Variants in GUCY1A1 observed in about 807,000 individuals in gnomAD.
GUCY1A1 encodes guanylate cyclase 1 soluble subunit alpha 1, also known as guanylate cyclase soluble subunit alpha-1.
Under a neutral mutation model 64.5 loss-of-function variants are expected in GUCY1A1, and 48 were observed. The ratio of observed to expected loss-of-function variants is 0.74; its 90% CI spans 0.59 to 0.95. GUCY1A1 has a LOEUF of 0.95. Ranked by LOEUF, GUCY1A1 falls within the 40% of genes least tolerant of loss-of-function variation. GUCY1A1 has a pLI of 0.00. For missense variants in GUCY1A1, 804 were observed against 825.3 expected, an observed-to-expected ratio of 0.97 and a Z score of 0.32; for synonymous variants, 308 against 303.4, an observed-to-expected ratio of 1.02 and a Z score of -0.16.
intron 9 of GUCY1A1, 154 bp downstream of exon 9, chr4:155,722,346 T>A: frequency 7.0e-7 from 1 of 1,430,996 alleles, no homozygotes; most frequent in East Asian, 2.5e-5. Context: ...CACTTTAACT[T>A]TTTTACACTG....
intron 6 of GUCY1A1, among the ~76,000 whole-genome samples, 186 bp from the exon 7 acceptor site, chr4:155,712,912 A>AT (rs1403932806): frequency 6.6e-6 from 1 of 152,238 alleles, no homozygotes; most frequent in Non-Finnish European, 1.5e-5. Context: ...ATACTCTAAT[A>AT]TACTCTTCAA....
intron 8 of GUCY1A1, among the ~76,000 whole-genome samples, chr4:155,721,018 C>T (rs1034472512): frequency 2.0e-5 from 3 of 152,052 alleles, no homozygotes; most frequent in African/African-American, 4.8e-5. Flanking sequence ...AATCCTAGCA[C>T]TTTGGGAAGT....
rs1735790564 is a variant in GUCY1A1 at position 155,733,778 on chromosome 4, G to T, written c.*3547G>T. On this transcript the variant is annotated 3_prime_UTR_variant, in exon 10 of 10. Coordinates refer to ENST00000506455, the MANE Select transcript of GUCY1A1 (RefSeq NM_001130682.3). ...AGAAGCATCAAGTCTTAAAGGAAGA[G>T]AATGGTATGATCAGATGTGTGTTTT... Among the ~76,000 whole-genome samples the T allele has an allele frequency of 6.6e-6, 1 of 151,438 alleles. No homozygotes were observed. Among genetic ancestry groups the T allele is most frequent in the Non-Finnish European group, 1.5e-5 (1 of 67,810 alleles).
chr4:155,736,761 T>C lies in GUCY1A1; in HGVS notation c.*6530T>C, dbSNP rs1736093265. ...ATTTTTCACCAGTTTTTGGTAAATA[T>C]GCATTGCTATAGGTATACCAAGTTT... On this transcript the variant is annotated 3_prime_UTR_variant, in exon 10 of 10. Coordinates refer to ENST00000506455, the MANE Select transcript of GUCY1A1 (RefSeq NM_001130682.3). 1 of 151,988 alleles carries C rather than the reference T, an allele frequency of 6.6e-6. No individual in the cohort carries two copies. The highest frequency in any genetic ancestry group is 2.4e-5 in the African/African-American group (1 of 41,422). The allele number at this position is 151,988 out of a possible 1,614,324, so 9.4% of individuals were successfully genotyped here. A position where few individuals can be genotyped will look rare whatever the true frequency, so the allele number is the denominator to read the frequency against.
chr4:155,722,067 T>C lies in GUCY1A1; in HGVS notation c.1746T>C (p.Val582=). The C allele has an allele frequency of 6.2e-7, 1 of 1,613,546 alleles. No homozygotes were observed. The highest frequency in any genetic ancestry group is 2.2e-5 in the East Asian group (1 of 44,848). The part of the protein sequence containing the change: ...KMRIGLHSGS[V]FAGVVGVKMP... ...GAATTGGACTGCACTCTGGATCAGT[T>C]TTTGCTGGCGTCGTTGGAGTTAAAA... The change falls in exon 9 of 10, where the codon GTT becomes GTC. Residue 582 remains valine (V), a synonymous_variant. Transcript: ENST00000506455.
At chr4:155,723,393 G>GATA (rs1734224167) in intron 9 of GUCY1A1, among the ~76,000 whole-genome samples, 1 of 152,080 alleles carries the variant, frequency 6.6e-6, no homozygotes, top group South Asian at 2.1e-4. Flanking sequence ...TATACAGCCT[G>GATA]AGTCAATAAA....
chr4:155,672,282 T>G (rs1734255623), intron 2 of GUCY1A1, among the ~76,000 whole-genome samples: 1 of 152,164 alleles, frequency 6.6e-6, no homozygotes, highest in African/African-American at 2.4e-5. Context: ...GATCAGGATA[T>G]AATTAACATC....
intron 9 of GUCY1A1, among the ~76,000 whole-genome samples, chr4:155,724,119 C>T (rs1734346334): frequency 6.6e-6 from 1 of 152,092 alleles, no homozygotes; most frequent in Non-Finnish European, 1.5e-5. Flanking sequence ...GTACTCATCT[C>T]CTCCTTCTTT....
intron 3 of GUCY1A1, among the ~76,000 whole-genome samples, chr4:155,702,747 A>G (rs919379037): frequency 1.3e-5 from 2 of 151,734 alleles, no homozygotes; most frequent in African/African-American, 4.8e-5. Context: ...TAAGCTTTGT[A>G]TGTGTATATT....
intron 2 of GUCY1A1, among the ~76,000 whole-genome samples, chr4:155,684,120 G>A (rs946389819): frequency 6.6e-6 from 1 of 152,092 alleles, no homozygotes; most frequent in Non-Finnish European, 1.5e-5. Context: ...TTATGTAAGA[G>A]GTACTGAAAT....
chr4:155,705,317 G>T (rs1049431295), intron 4 of GUCY1A1, among the ~76,000 whole-genome samples: 1 of 152,132 alleles, frequency 6.6e-6, no homozygotes, highest in South Asian at 2.1e-4. Context: ...GGGAGGTCAA[G>T]GTAGACAGAT....
At chr4:155,699,365 T>G (rs1730802636) in intron 3 of GUCY1A1, among the ~76,000 whole-genome samples, 1 of 152,144 alleles carries the variant, frequency 6.6e-6, no homozygotes, top group South Asian at 2.1e-4. Context: ...GCTATAAACT[T>G]CCCTTCTCTT....
At chr4:155,712,905 C>T (rs1159772166) in intron 6 of GUCY1A1, among the ~76,000 whole-genome samples, 193 bp from the exon 7 acceptor site, 1 of 152,152 alleles carries the variant, frequency 6.6e-6, no homozygotes, top group Non-Finnish European at 1.5e-5. Context: ...GTAGAGTATA[C>T]TCTAATATAC....
intron 2 of GUCY1A1, among the ~76,000 whole-genome samples, chr4:155,682,359 T>G (rs907393064): frequency 1.3e-5 from 2 of 152,182 alleles, no homozygotes; most frequent in Non-Finnish European, 2.9e-5. Context: ...CCATTAGCTA[T>G]TTAATAAAAT....
At chr4:155,684,187 A>G (rs552283672) in intron 2 of GUCY1A1, among the ~76,000 whole-genome samples, 40 of 152,352 alleles carry the variant, frequency 2.6e-4, no homozygotes, top group Admixed American at 2.6e-3. Flanking sequence ...AATCAATTAG[A>G]TGGCAGAGGC....
chr4:155,683,899 G>T (rs575950180), intron 2 of GUCY1A1, among the ~76,000 whole-genome samples: 6 of 152,248 alleles, frequency 3.9e-5, no homozygotes, highest in African/African-American at 1.2e-4. Context: ...AGAAAGGAGG[G>T]CTTCTCAGCA....
intron 4 of GUCY1A1, among the ~76,000 whole-genome samples, chr4:155,707,518 T>C (rs1228386044): frequency 2.6e-5 from 4 of 151,980 alleles, no homozygotes; most frequent in Non-Finnish European, 5.9e-5. Context: ...TTGTACTCCA[T>C]ACCTGTAGCA....
At chr4:155,714,301 A>G (rs1732956673) in intron 7 of GUCY1A1, among the ~76,000 whole-genome samples, 1 of 152,194 alleles carries the variant, frequency 6.6e-6, no homozygotes. Context: ...AACACACATT[A>G]TCTCCCATAA....
In GUCY1A1 at chr4:155,712,244, G is replaced by A. The variant is rs375822261; in HGVS notation, c.1087-854G>A. ...CTCCGGGGTTCAAGCAGTTCTCCCCGCTTCAGCCTCTCGAGTAGCTGGGAT... is the reference window on the plus strand; with the variant it reads ...CTCCGGGGTTCAAGCAGTTCTCCCCACTTCAGCCTCTCGAGTAGCTGGGAT... On this transcript the variant is annotated intron_variant, in intron 6 of 9. Transcript: ENST00000506455. Among the ~76,000 whole-genome samples the A allele has an allele frequency of 1.9e-4, 29 of 152,172 alleles. No individual in the cohort carries two copies. The East Asian group carries it at 3.3e-3, about 17-fold the overall frequency.
Sources: gnomAD v4.1 joint callset for allele counts (sites outside exome capture counted in the v4.1 genomes callset) on GRCh38, gnomAD v4.1.1 for gene constraint, MANE v1.5 for transcripts, NCBI Gene and HGNC (gene_info 2026-07-23, HGNC 2026-07-21) for gene names.